The following CDH13 variants were observed in gnomAD, a reference collection of about 807,000 sequenced individuals.
CDH13 encodes cadherin-13.
In CDH13, 24 loss-of-function variants were observed where a neutral mutation model predicts 63.8. The observed-to-expected ratio is 0.38, with a 90% CI of 0.27 to 0.53. The LOEUF is 0.53. Ranked by LOEUF, CDH13 falls within the 20% of genes least tolerant of loss-of-function variation. CDH13 has a pLI of 0.85. For missense variants in CDH13, 1,049 were observed against 903.1 expected, an observed-to-expected ratio of 1.16 and a Z score of -2.07; for synonymous variants, 503 against 355.3, an observed-to-expected ratio of 1.42 and a Z score of -4.67.
intron 7 of CDH13, among the ~76,000 whole-genome samples, chr16:83,589,282 C>CCT (rs995253375): frequency 3.4e-4 from 42 of 124,734 alleles, no homozygotes; most frequent in Non-Finnish European, 6.0e-4. Flanking sequence ...TCCCTTTCCC[C>CCT]CCCCCGGACC....
In CDH13 at chr16:83,216,429, T is replaced by TATATATATAAATATATATATATATAA. The variant is rs1555513906; in HGVS notation, c.484-907_484-906insAATATATATATATATAAATATATATA. Among the ~76,000 whole-genome samples, 6 of 105,708 alleles carry TATATATATAAATATATATATATATAA rather than the reference T, an allele frequency of 5.7e-5. No individual in the cohort carries two copies. The East Asian group carries it at 1.1e-3, about 19-fold the overall frequency. The allele number at this position is 105,708 out of a possible 152,430, so 69.3% of individuals were successfully genotyped here. A position where few individuals can be genotyped will look rare whatever the true frequency, so the allele number is the denominator to read the frequency against. On this transcript the variant is annotated intron_variant, in intron 4 of 13. Coordinates refer to ENST00000567109, the MANE Select transcript of CDH13 (RefSeq NM_001257.5). ...ATATATATATATATATATATATATA[T>TATATATATAAATATATATATATATAA]ATATATATATATATACACAACCCTA... is the stretch of plus-strand genomic sequence containing the variant.
chr16:83,060,901 A>G lies in CDH13; in HGVS notation c.366+28683A>G, dbSNP rs7199021. Among the ~76,000 whole-genome samples the G allele has an allele frequency of 6.5e-3, 996 of 152,182 alleles. 16 individuals carry two copies. Among genetic ancestry groups the G allele is most frequent in the African/African-American group, 0.021 (888 of 41,496 alleles). ...AACCTATTCCAACTGGTACTACTTG[A>G]TAATAGTCATTTTCTCTCACCTGAA... is the stretch of plus-strand genomic sequence containing the variant. On this transcript the variant is annotated intron_variant, in intron 3 of 13. Coordinates refer to ENST00000567109, the MANE Select transcript of CDH13 (RefSeq NM_001257.5).
chr16:83,584,271 G>A (rs945263423), intron 7 of CDH13, among the ~76,000 whole-genome samples: 10 of 152,220 alleles, frequency 6.6e-5, no homozygotes, highest in African/African-American at 2.4e-4. Context: ...GGAGCTTGCA[G>A]TGAGCTGAGA....
Position 83,678,283 on chromosome 16 carries a change from G to A in CDH13, c.1360G>A (p.Val454Ile), listed in dbSNP as rs750928982. ...VENEDPLVPDVSYGPSSTATV... is the reference protein window; with the variant it reads ...VENEDPLVPDISYGPSSTATV... Reference sequence around the variant, plus strand: ...AAATGAAGACCCACTCGTACCCGACGTCTCCTACGGCCCCAGCTCCACAGC... The same window carrying A: ...AAATGAAGACCCACTCGTACCCGACATCTCCTACGGCCCCAGCTCCACAGC... Residue 454 changes from valine to isoleucine, a missense_variant, in exon 10 of 14, where the codon GTC (valine) becomes ATC (isoleucine). Val to Ile is a conservative substitution (Grantham distance 29, BLOSUM62 3). Transcript: ENST00000567109. The A allele has an allele frequency of 3.8e-5, 62 of 1,613,936 alleles. No homozygotes were observed. The highest frequency in any genetic ancestry group is 8.9e-5 in the East Asian group (4 of 44,868).
chr16:83,057,385 T>C (rs1472052586), intron 3 of CDH13, among the ~76,000 whole-genome samples: 1 of 152,204 alleles, frequency 6.6e-6, no homozygotes, highest in African/African-American at 2.4e-5. Context: ...TTGTATGTCT[T>C]CATCTTTATG....
At chr16:83,086,291 G>A (rs74450930) in intron 3 of CDH13, among the ~76,000 whole-genome samples, 56 of 152,328 alleles carry the variant, frequency 3.7e-4, no homozygotes, top group African/African-American at 1.2e-3. Flanking sequence ...AATGTAGAGC[G>A]TTAGTAGTTA....
At chr16:83,279,159 G>T (rs2089084675) in intron 5 of CDH13, among the ~76,000 whole-genome samples, 1 of 151,668 alleles carries the variant, frequency 6.6e-6, no homozygotes, top group Non-Finnish European at 1.5e-5. Context: ...TAAGTTCTCT[G>T]GGAGGCCAAA....
chr16:83,796,495 A>C lies in CDH13; in HGVS notation c.*1465A>C, dbSNP rs1477100428. The C allele has an allele frequency of 6.6e-6, 1 of 152,246 alleles. No homozygotes were observed. The highest frequency in any genetic ancestry group is 3.2e-3 in the Middle Eastern group (1 of 316). 9.4% of individuals were successfully genotyped at this position (152,246 alleles called of 1,614,324 possible). A position where few individuals can be genotyped will look rare whatever the true frequency, so the allele number is the denominator to read the frequency against. On this transcript the variant is annotated 3_prime_UTR_variant, in exon 14 of 14. Transcript: ENST00000567109. ...TGTTGTAGTGAAATTATACAGATAG[A>C]GTTCCATATATTGTATTTGTTTCAA...
intron 1 of CDH13, among the ~76,000 whole-genome samples, chr16:82,670,376 C>G (rs1182641177): frequency 6.6e-6 from 1 of 152,212 alleles, no homozygotes; most frequent in African/African-American, 2.4e-5. Flanking sequence ...ACCTTCCCCA[C>G]TGATTTCTCC....
intron 8 of CDH13, among the ~76,000 whole-genome samples, chr16:83,622,174 G>A (rs879714106): frequency 5.9e-5 from 9 of 152,182 alleles, no homozygotes; most frequent in Non-Finnish European, 7.3e-5. Flanking sequence ...GCCCTATGAC[G>A]TAGGTACTCT....
At chr16:83,475,166 C>T (rs1310506111) in intron 6 of CDH13, among the ~76,000 whole-genome samples, 2 of 152,236 alleles carry the variant, frequency 1.3e-5, no homozygotes, top group African/African-American at 2.4e-5. Context: ...GCACTAAACC[C>T]AGCACAGGGA....
At chr16:82,973,799 T>A (rs1909111672) in intron 2 of CDH13, among the ~76,000 whole-genome samples, 1 of 152,268 alleles carries the variant, frequency 6.6e-6, no homozygotes. Context: ...TATGTCTTTT[T>A]GCTTATACAG....
intron 7 of CDH13, among the ~76,000 whole-genome samples, chr16:83,589,072 G>A (rs533705475): frequency 1.1e-4 from 16 of 152,268 alleles, no homozygotes; most frequent in South Asian, 8.3e-4. Context: ...GGCCAAAACC[G>A]AGGTGTCAGC....
At chr16:82,837,271 A>C (rs578080996) in intron 1 of CDH13, among the ~76,000 whole-genome samples, 2 of 152,158 alleles carry the variant, frequency 1.3e-5, no homozygotes, top group East Asian at 3.9e-4. Flanking sequence ...GGTGGTGAGC[A>C]TGGGGAGAGC....
chr16:83,686,815 C>T (rs992684318), intron 10 of CDH13, among the ~76,000 whole-genome samples: 1 of 152,098 alleles, frequency 6.6e-6, no homozygotes, highest in African/African-American at 2.4e-5. Context: ...CCAATCCCAG[C>T]ATAAGGACTG....
chr16:83,171,497 C>T, intron 4 of CDH13: 1 of 1,525,558 alleles, frequency 6.6e-7, no homozygotes, highest in East Asian at 2.4e-5. Flanking sequence ...AAATAGACTG[C>T]CCATAAATAA....
chr16:83,014,827 T>TA (rs1491542807), intron 2 of CDH13, among the ~76,000 whole-genome samples: 2 of 40,106 alleles, frequency 5.0e-5, no homozygotes, highest in East Asian at 6.4e-4. Flanking sequence ...TATATATATA[T>TA]TTGTATATAT....
chr16:82,793,160 G>A (rs901197205), intron 1 of CDH13, among the ~76,000 whole-genome samples: 4 of 152,164 alleles, frequency 2.6e-5, no homozygotes, highest in East Asian at 3.9e-4. Context: ...CTCTGGAAGC[G>A]GCATCAGTGC....
chr16:83,520,364 G>A (rs2074801426), intron 7 of CDH13, among the ~76,000 whole-genome samples: 1 of 152,164 alleles, frequency 6.6e-6, no homozygotes, highest in Non-Finnish European at 1.5e-5. Flanking sequence ...CTACCTTGCA[G>A]AGATGGCAGT....
Sources: allele counts gnomAD v4.1 joint callset (sites outside exome capture counted in the v4.1 genomes callset), GRCh38; gene constraint gnomAD v4.1.1; transcripts MANE v1.5; gene names NCBI Gene and HGNC (gene_info 2026-07-23, HGNC 2026-07-21).